BTNL8: variants seen among roughly 807,000 people sequenced by gnomAD.
BTNL8 encodes the protein butyrophilin like 8, also known as butyrophilin-like protein 8.
BTNL8 carries 22 observed loss-of-function variants against 36.1 expected under a neutral mutation model. That is an observed-to-expected ratio of 0.61 (90% CI 0.44 to 0.87). BTNL8 has a LOEUF of 0.87. Ranked by LOEUF, BTNL8 falls within the 40% of genes least tolerant of loss-of-function variation. The pLI, the probability that BTNL8 is intolerant of heterozygous loss-of-function variation, is 0.00. For synonymous variants in BTNL8, 203 were observed against 235.6 expected (o/e 0.86, Z 1.27); for missense variants, 526 against 616.9 (o/e 0.85, Z 1.56).
intron 3 of BTNL8, among the ~76,000 whole-genome samples, chr5:180,923,810 A>G (rs1279588316): frequency 9.9e-5 from 15 of 152,226 alleles, no homozygotes; most frequent in Non-Finnish European, 2.1e-4. Flanking sequence ...CATAAAAATA[A>G]GATCAGTAAA....
At position 180,911,620 on chromosome 5, in the gene BTNL8, T is replaced by C; in HGVS notation, c.673+6T>C. On this transcript the variant is annotated splice_donor_region_variant and intron_variant, in intron 3 of 7. Transcript: ENST00000340184. ...ATCCAGGGTACAGATAGGAGGTGAGTAGGGAGGGGAGGAGAAGAGAAGGAG... is the reference window on the plus strand; with the variant it reads ...ATCCAGGGTACAGATAGGAGGTGAGCAGGGAGGGGAGGAGAAGAGAAGGAG... The C allele has an allele frequency of 1.3e-6, 2 of 1,597,032 alleles. No homozygotes were observed. Among genetic ancestry groups the C allele is most frequent in the Non-Finnish European group, 8.6e-7 (1 of 1,166,976 alleles).
Position 180,949,739 on chromosome 5 carries a change from A to G in BTNL8, c.863-165A>G, listed in dbSNP as rs1192758965. ...GACATTGATGAGTCCTCCAGGCTGC[A>G]CTGGTGATGAGAGGACCTGAAAGGC... On this transcript the variant is annotated intron_variant, in intron 7 of 7. Transcript: ENST00000340184. The G allele has an allele frequency of 1.5e-5, 13 of 864,196 alleles. 1 individual carries two copies. The highest frequency in any genetic ancestry group is 2.3e-5 in the Non-Finnish European group (13 of 573,018). The allele number at this position is 864,196 out of a possible 1,614,324, so 53.5% of individuals were successfully genotyped here.
Position 180,911,603 on chromosome 5 carries a change from T to A in BTNL8, c.662T>A (p.Val221Glu). Reference sequence around the variant, plus strand: ...CTGAGCCGAGAGGTGGAATCCAGGGTACAGATAGGAGGTGAGTAGGGAGGG... The same window carrying A: ...CTGAGCCGAGAGGTGGAATCCAGGGAACAGATAGGAGGTGAGTAGGGAGGG... ...AHLSREVESR[V>E]QIGDTFFEPI... The change falls in exon 3 of 8, where the codon GTA becomes GAA. Residue 221 changes from valine (V) to glutamate (E), a missense_variant. Physicochemically the swap from Val to Glu is moderately radical, Grantham distance 121. Around this residue, in one of 2 missense-constraint regions of BTNL8, gnomAD observed 350 missense variants for 324.6 expected, o/e 1.08. Transcript: ENST00000340184. 1 of 1,611,268 alleles carries A rather than the reference T, an allele frequency of 6.2e-7. No individual in the cohort carries two copies.
chr5:180,936,012 G>C (rs1026991501), intron 3 of BTNL8, among the ~76,000 whole-genome samples: 2 of 151,842 alleles, frequency 1.3e-5, no homozygotes, highest in Non-Finnish European at 2.9e-5. Context: ...GGGTTCAAGT[G>C]ATTCTCCTGC....
chr5:180,933,062 A>G (rs1022126799), intron 3 of BTNL8, among the ~76,000 whole-genome samples: 8 of 152,056 alleles, frequency 5.3e-5, no homozygotes, highest in African/African-American at 1.7e-4. Context: ...GACTTTAAGT[A>G]TGTAACTATA....
At chr5:180,918,885 A>G (rs973857213) in intron 3 of BTNL8, among the ~76,000 whole-genome samples, 5 of 152,300 alleles carry the variant, frequency 3.3e-5, no homozygotes, top group African/African-American at 1.2e-4. Flanking sequence ...GGTTGTGGAG[A>G]CCAAGGTTCT....
chr5:180,922,083 CTCTTT>C (rs1757892826), intron 3 of BTNL8, among the ~76,000 whole-genome samples: 2 of 151,098 alleles, frequency 1.3e-5, no homozygotes, highest in African/African-American at 2.4e-5. Flanking sequence ...ATATTTTTTT[CTCTTT>C]TCTTTATTAG....
At chr5:180,900,051 C>CT (rs1315427963) in intron 1 of BTNL8, among the ~76,000 whole-genome samples, 2 of 152,180 alleles carry the variant, frequency 1.3e-5, no homozygotes, top group East Asian at 3.8e-4. Flanking sequence ...CCACCTATAT[C>CT]TTTTTTGCTA....
At chr5:180,933,225 C>T (rs1416685281) in intron 3 of BTNL8, among the ~76,000 whole-genome samples, 1 of 152,092 alleles carries the variant, frequency 6.6e-6, no homozygotes. Flanking sequence ...AACCTCAAAT[C>T]CCACTTTCAG....
intron 3 of BTNL8, among the ~76,000 whole-genome samples, chr5:180,917,528 A>G (rs1322874231): frequency 6.6e-6 from 1 of 152,244 alleles, no homozygotes; most frequent in Non-Finnish European, 1.5e-5. Flanking sequence ...GAAAAATTAC[A>G]GGCCAACAAA....
rs1334348651 is a variant in BTNL8, at chr5:180,950,223, T to A, written c.1182T>A (p.Arg394=). ...ATTTGTATTTCACATTAAATCCCCG[T>A]TTTATCAGCGTCTTCCCCAGGACCC... The part of the protein sequence containing the change: ...GEHLYFTLNP[R]FISVFPRTPP... Residue 394 remains arginine (R), a synonymous_variant, in exon 8 of 8, where the codon CGT becomes CGA. Coordinates refer to ENST00000340184, the MANE Select transcript of BTNL8 (RefSeq NM_001040462.3). 5.5e-6 allele frequency: 8 copies of A among 1,463,120 alleles called. 2 individuals are homozygous for A. In the Admixed American group the frequency reaches 1.5e-4, roughly 27 times the overall value. The allele number at this position is 1,463,120 out of a possible 1,614,324, so 90.6% of individuals were successfully genotyped here. A position where few individuals can be genotyped will look rare whatever the true frequency, so the allele number is the denominator to read the frequency against.
chr5:180,943,804 C>T (rs1226203133), intron 3 of BTNL8, among the ~76,000 whole-genome samples: 2 of 152,140 alleles, frequency 1.3e-5, no homozygotes, highest in Middle Eastern at 3.2e-3. Context: ...TATTTCAGCA[C>T]TATTCACAAT....
intron 3 of BTNL8, chr5:180,945,647 G>T: frequency 3.8e-6 from 1 of 261,388 alleles, no homozygotes. Flanking sequence ...TAAAAAAGGG[G>T]AAAGGACCTG....
chr5:180,939,057 A>G (rs1758800087), intron 3 of BTNL8, among the ~76,000 whole-genome samples: 1 of 152,152 alleles, frequency 6.6e-6, no homozygotes, highest in Non-Finnish European at 1.5e-5. Context: ...AATGAGAAAG[A>G]GAAAGGAATC....
chr5:180,930,098 A>C (rs1261892222), intron 3 of BTNL8, among the ~76,000 whole-genome samples: 1 of 152,240 alleles, frequency 6.6e-6, no homozygotes, highest in Non-Finnish European at 1.5e-5. Context: ...CCAGCAGCAC[A>C]TCAAAAACCG....
intron 3 of BTNL8, among the ~76,000 whole-genome samples, chr5:180,929,346 C>A (rs535213620): frequency 2.0e-5 from 3 of 152,136 alleles, no homozygotes; most frequent in Admixed American, 6.5e-5. Context: ...CACTACATGC[C>A]CACAGGAGAA....
At chr5:180,927,070 G>C (rs562109232) in intron 3 of BTNL8, among the ~76,000 whole-genome samples, 1 of 152,166 alleles carries the variant, frequency 6.6e-6, no homozygotes. Context: ...TCATACAGGA[G>C]AGCTCCGGCT....
At chr5:180,938,894 T>C (rs1297315226) in intron 3 of BTNL8, among the ~76,000 whole-genome samples, 2 of 152,108 alleles carry the variant, frequency 1.3e-5, no homozygotes, top group African/African-American at 2.4e-5. Flanking sequence ...GAAAAAGATA[T>C]TTTTTAGATA....
At chr5:180,938,216 C>T (rs1272151200) in intron 3 of BTNL8, among the ~76,000 whole-genome samples, 1 of 151,892 alleles carries the variant, frequency 6.6e-6, no homozygotes, top group Non-Finnish European at 1.5e-5. Context: ...TTATGAAATA[C>T]CATTAAGTGA....
Sources: gnomAD v4.1 joint callset for allele counts (sites outside exome capture counted in the v4.1 genomes callset) on GRCh38, gnomAD v4.1.1 for gene constraint, gnomAD v4.1.1 regional missense constraint, MANE v1.5 for transcripts, NCBI Gene and HGNC (gene_info 2026-07-23, HGNC 2026-07-21) for gene names.